The following DDC variants were observed in gnomAD, a reference collection of about 807,000 sequenced individuals.
The protein encoded by DDC is aromatic-L-amino-acid decarboxylase.
In DDC, 43 loss-of-function variants were observed where a neutral mutation model predicts 60.0. The ratio of observed to expected loss-of-function variants is 0.72; its 90% CI spans 0.56 to 0.92. DDC has a LOEUF of 0.92. Ranked by LOEUF, DDC falls within the 40% of genes least tolerant of loss-of-function variation. DDC has a pLI of 0.00. For missense variants in DDC, 573 were observed against 620.2 expected (o/e 0.92, Z 0.81); for synonymous variants, 232 against 234.6 (o/e 0.99, Z 0.10).
At chr7:50,503,872 G>C in intron 7 of DDC, 121 bp downstream of exon 7, 1 of 802,164 alleles carries the variant, frequency 1.2e-6, no homozygotes, top group Non-Finnish European at 2.2e-6. Context: ...AATACGAGAA[G>C]AGCTGGGCAA....
At chr7:50,529,383 C>A (rs371536089) in intron 4 of DDC, 41 bp from the exon 5 acceptor site, 25 of 1,610,434 alleles carry the variant, frequency 1.6e-5, no homozygotes, top group Non-Finnish European at 2.0e-5. Flanking sequence ...CCAAACATAG[C>A]GAAGGCATTG....
chr7:50,558,218 G>A (rs2045246892), intron 1 of DDC, among the ~76,000 whole-genome samples: 1 of 151,974 alleles, frequency 6.6e-6, no homozygotes, highest in Non-Finnish European at 1.5e-5. Flanking sequence ...TGTTCTAGTT[G>A]GTTGCTTCTT....
At position 50,459,861 on chromosome 7, in the gene DDC, G is replaced by A. The variant is rs1438539239; in HGVS notation, c.*19-1018C>T. Among the ~76,000 whole-genome samples, 443 of 146,174 alleles carry A rather than the reference G, an allele frequency of 3.0e-3. 10 individuals are homozygous for A. Among genetic ancestry groups the A allele is most frequent in the African/African-American group, 0.011 (419 of 38,178 alleles). ...GAATCAGCCCCCGGCCCGGCCAGCCGCCCCGTCCGGGAGGGAGGTGGGGGG... is the reference window on the plus strand; with the variant it reads ...GAATCAGCCCCCGGCCCGGCCAGCCACCCCGTCCGGGAGGGAGGTGGGGGG... On this transcript the variant is annotated intron_variant, in intron 14 of 14. Coordinates refer to ENST00000444124, the MANE Select transcript of DDC (RefSeq NM_001082971.2).
Position 50,477,914 on chromosome 7 carries a change from T to G in DDC, c.1022-1271A>C, listed in dbSNP as rs564156096. On this transcript the variant is annotated intron_variant, in intron 10 of 14. Transcript: ENST00000444124. ...ATGCAGAAAGCACTCAGTAAGAAAT[T>G]GTCGACGCCAGGCGTGGTGGCTCAC... Among the ~76,000 whole-genome samples, 4 of 152,022 alleles carry G rather than the reference T, an allele frequency of 2.6e-5. No homozygotes were observed. The East Asian group carries it at 7.7e-4, about 29-fold the overall frequency.
chr7:50,562,526 T>G (rs2045365178), intron 1 of DDC, among the ~76,000 whole-genome samples: 1 of 152,228 alleles, frequency 6.6e-6, no homozygotes, highest in Non-Finnish European at 1.5e-5. Context: ...AGTGTCAAGC[T>G]GGACAGCCAG....
intron 2 of DDC, chr7:50,543,444 A>T: frequency 3.4e-6 from 1 of 297,460 alleles, no homozygotes. Flanking sequence ...CAAATAAACT[A>T]AAGAAAACGT....
chr7:50,537,597 C>T (rs761472714), intron 4 of DDC, among the ~76,000 whole-genome samples: 2 of 152,188 alleles, frequency 1.3e-5, no homozygotes, highest in African/African-American at 4.8e-5. Context: ...TGTGAGATAG[C>T]GGCTGTGCTA....
intron 6 of DDC, among the ~76,000 whole-genome samples, chr7:50,505,373 G>T (rs911382657): frequency 6.6e-6 from 1 of 152,236 alleles, no homozygotes; most frequent in Non-Finnish European, 1.5e-5. Flanking sequence ...TCTAGATAAT[G>T]AAATTTCTTT....
At chr7:50,484,472 C>A (rs1236754159) in intron 9 of DDC, among the ~76,000 whole-genome samples, 1 of 152,114 alleles carries the variant, frequency 6.6e-6, no homozygotes, top group Non-Finnish European at 1.5e-5. Context: ...TTGTTCAATT[C>A]TCAGTATTTG....
At chr7:50,462,226 C>CAAAAAGAAAAAAAAAAA (rs2042290319) in intron 14 of DDC, among the ~76,000 whole-genome samples, 1 of 75,380 alleles carries the variant, frequency 1.3e-5, no homozygotes. Context: ...GACAAAAAGA[C>CAAAAAGAAAAAAAAAAA]AAAAAAAAAA....
At chr7:50,490,842 C>T (rs2042984029) in intron 9 of DDC, among the ~76,000 whole-genome samples, 2 of 152,220 alleles carry the variant, frequency 1.3e-5, no homozygotes, top group Non-Finnish European at 2.9e-5. Context: ...TCCAAATAAT[C>T]AAGCCAATCA....
intron 6 of DDC, among the ~76,000 whole-genome samples, chr7:50,524,467 T>A (rs2043984734): frequency 6.6e-6 from 1 of 152,134 alleles, no homozygotes; most frequent in African/African-American, 2.4e-5. Context: ...ATTAAGCTTA[T>A]TCATTTAAAA....
chr7:50,525,932 A>G (rs1435464985), intron 6 of DDC, among the ~76,000 whole-genome samples: 2 of 152,012 alleles, frequency 1.3e-5, no homozygotes, highest in African/African-American at 4.8e-5. Flanking sequence ...GTAAAAGGGC[A>G]TAAGAGATAT....
At chr7:50,499,366 T>G in intron 7 of DDC, 124 bp from the exon 8 acceptor site, 1 of 717,586 alleles carries the variant, frequency 1.4e-6, no homozygotes, top group Non-Finnish European at 2.5e-6. Flanking sequence ...GCTGAACTAA[T>G]GGCTGAATCC....
chr7:50,463,685 G>A (rs531404858), intron 13 of DDC, among the ~76,000 whole-genome samples: 1 of 152,220 alleles, frequency 6.6e-6, no homozygotes, highest in South Asian at 2.1e-4. Flanking sequence ...CCCTTCCATG[G>A]TCTAAGTTTT....
At chr7:50,466,493 G>GAAAAAAAAAAAAAAAAAAAA (rs57396757) in intron 13 of DDC, among the ~76,000 whole-genome samples, 2 of 64,062 alleles carry the variant, frequency 3.1e-5, no homozygotes, top group African/African-American at 4.5e-5. Flanking sequence ...TCTCCAAAAA[G>GAAAAAAAAAAAAAAAAAAAA]AAAAAAAAAA....
intron 1 of DDC, among the ~76,000 whole-genome samples, chr7:50,557,417 C>T (rs893024535): frequency 6.6e-6 from 1 of 152,102 alleles, no homozygotes; most frequent in African/African-American, 2.4e-5. Flanking sequence ...CTTCCAAAGA[C>T]AAAAAAGAAT....
chr7:50,538,620 A>C (rs1002699092), intron 3 of DDC, among the ~76,000 whole-genome samples: 1 of 152,208 alleles, frequency 6.6e-6, no homozygotes, highest in African/African-American at 2.4e-5. Flanking sequence ...GAGCCTGGCC[A>C]AGCCCAGCTC....
At chr7:50,563,450 A>G (rs1006410449) in intron 1 of DDC, among the ~76,000 whole-genome samples, 3 of 152,206 alleles carry the variant, frequency 2.0e-5, no homozygotes, top group Admixed American at 2.0e-4. Flanking sequence ...TGCTAAATCT[A>G]TCATCCAGTT....
Sources: gnomAD v4.1 joint callset for allele counts (sites outside exome capture counted in the v4.1 genomes callset) on GRCh38, gnomAD v4.1.1 for gene constraint, MANE v1.5 for transcripts, NCBI Gene and HGNC (gene_info 2026-07-23, HGNC 2026-07-21) for gene names.